The following JMJD6 variants were observed in gnomAD, a reference collection of about 807,000 sequenced individuals.
JMJD6 encodes bifunctional arginine demethylase and lysyl-hydroxylase JMJD6.
A neutral mutation model predicts 45.8 loss-of-function variants in JMJD6; 17 were observed. That is an observed-to-expected ratio of 0.37 (90% CI 0.25 to 0.56). JMJD6 has a LOEUF of 0.56. JMJD6 is among the 20% of genes least tolerant of loss of function. The probability of loss-of-function intolerance (pLI) is 0.79; values close to 1 mark genes in which losing one functional copy is unlikely to be tolerated. For missense variants in JMJD6, 470 were observed against 517.5 expected (o/e 0.91, Z 0.89); for synonymous variants, 221 against 196.3 (o/e 1.13, Z -1.05).
chr17:76,721,474 A>G (rs527990022), intron 4 of JMJD6: 1 of 336,684 alleles, frequency 3.0e-6, no homozygotes, highest in African/African-American at 2.1e-5. Flanking sequence ...AACCCAAATA[A>G]AACCCAAATA....
Position 76,726,508 on chromosome 17 carries a change from C to T in JMJD6, c.-33G>A, listed in dbSNP as rs1047034478. The T allele has an allele frequency of 1.3e-6, 2 of 1,575,916 alleles. No homozygotes were observed. Among genetic ancestry groups the T allele is most frequent in the Non-Finnish European group, 1.7e-6 (2 of 1,162,428 alleles). Reference sequence around the variant, plus strand: ...GGTCGCCAGCTGGTTCCGCTACGACCTCGGCGCAGCCCGCTTCCTGACACT... The same window carrying T: ...GGTCGCCAGCTGGTTCCGCTACGACTTCGGCGCAGCCCGCTTCCTGACACT... On this transcript the variant is annotated 5_prime_UTR_variant, in exon 1 of 6. Transcript: ENST00000397625.
In JMJD6 at chr17:76,723,103, G is replaced by A. The variant is rs374850144; in HGVS notation, c.805+669C>T. Among the ~76,000 whole-genome samples, 19 of 151,618 alleles carry A rather than the reference G, an allele frequency of 1.3e-4. No individual in the cohort carries two copies. In the East Asian group the frequency reaches 2.6e-3, roughly 21 times the overall value. On this transcript the variant is annotated intron_variant, in intron 3 of 5. Transcript: ENST00000397625. Reference sequence around the variant, plus strand: ...TGGGATTACAGGCGCCCGCCACCACGCCTGATTAATTTTTGTATTATTAGT... The same window carrying A: ...TGGGATTACAGGCGCCCGCCACCACACCTGATTAATTTTTGTATTATTAGT...
In JMJD6 at chr17:76,725,699, T is replaced by A; in HGVS notation, c.286A>T (p.Asn96Tyr). 1.2e-6 allele frequency: 2 copies of A among 1,614,108 alleles called. No individual in the cohort carries two copies. Among genetic ancestry groups the A allele is most frequent in the Non-Finnish European group, 1.7e-6 (2 of 1,180,020 alleles). The change falls in exon 2 of 6, where the codon AAC becomes TAC. Residue 96 changes from asparagine (N) to tyrosine (Y), a missense_variant. Asn to Tyr is a moderately radical substitution (Grantham distance 143, BLOSUM62 -2). Transcript: ENST00000397625. ...TLERLKRKYR[N>Y]QKFKCGEDND... Reference sequence around the variant, plus strand: ...TCCTCACCACACTTGAACTTCTGGTTCCGATATTTCCTTTTTAGGCGCTCC... The same window carrying A: ...TCCTCACCACACTTGAACTTCTGGTACCGATATTTCCTTTTTAGGCGCTCC...
At chr17:76,716,326 T>G (rs576454168), downstream of JMJD6, 21 of 231,894 alleles carry the variant, frequency 9.1e-5, no homozygotes, top group East Asian at 2.2e-3. Context: ...GCTGGCTCTG[T>G]GGAAACTCCT....
downstream of JMJD6, chr17:76,715,574 C>T (rs2076758022): frequency 6.6e-6 from 1 of 152,256 alleles, no homozygotes; most frequent in Non-Finnish European, 1.5e-5. Flanking sequence ...ACAATTCTAA[C>T]ACATCCACAC....
intron 3 of JMJD6, among the ~76,000 whole-genome samples, chr17:76,722,215 T>C (rs1005538759): frequency 6.6e-6 from 1 of 152,212 alleles, no homozygotes; most frequent in Non-Finnish European, 1.5e-5. Context: ...ACCTAAAATA[T>C]TGACTCCCCG....
chr17:76,721,033 A>G (rs538919494), intron 4 of JMJD6, among the ~76,000 whole-genome samples: 1 of 152,364 alleles, frequency 6.6e-6, no homozygotes, highest in East Asian at 1.9e-4. Context: ...ACTGAAGAGC[A>G]GCAGCCCTCC....
Position 76,725,752 on chromosome 17 carries a change from C to G in JMJD6, c.233G>C (p.Gly78Ala). The G allele has an allele frequency of 6.2e-7, 1 of 1,614,140 alleles. No homozygotes were observed. Among genetic ancestry groups the G allele is most frequent in the Middle Eastern group, 1.6e-4 (1 of 6,062 alleles). ...AGTCCATTTCTCCTGCGCAGACCAG[C>G]CCTCTTGCGCATTCAACAAAACCAC... Reference protein sequence around the residue: ...KPVVLLNAQEGWSAQEKWTLE... With the variant: ...KPVVLLNAQEAWSAQEKWTLE... Residue 78 changes from glycine (G) to alanine (A), a missense_variant, in exon 2 of 6, where the codon GGC (glycine) becomes GCC (alanine). Physicochemically the swap from Gly to Ala is moderately conservative, Grantham distance 60. This residue lies in a region of JMJD6 where 346 missense variants were observed against 339.5 expected (regional missense o/e 1.02). Coordinates refer to ENST00000397625, the MANE Select transcript of JMJD6 (RefSeq NM_015167.3).
intron 3 of JMJD6, among the ~76,000 whole-genome samples, chr17:76,722,984 T>G (rs2076847194): frequency 6.6e-6 from 1 of 150,702 alleles, no homozygotes; most frequent in Non-Finnish European, 1.5e-5. Context: ...TTTTGCTCTG[T>G]CACCCAGGCT....
chr17:76,724,287 A>C (rs1186635545), intron 2 of JMJD6, among the ~76,000 whole-genome samples: 1 of 151,484 alleles, frequency 6.6e-6, no homozygotes, highest in African/African-American at 2.4e-5. Context: ...ACGCCTGGCT[A>C]ATTTTTGTAT....
Position 76,725,648 on chromosome 17 carries a change from T to G in JMJD6, c.337A>C (p.Lys113Gln). The G allele has an allele frequency of 1.2e-6, 2 of 1,614,088 alleles. No homozygotes were observed. The highest frequency in any genetic ancestry group is 1.7e-6 in the Non-Finnish European group (2 of 1,180,006). The change falls in exon 2 of 6, where the codon AAG becomes CAG. Residue 113 changes from lysine (K) to glutamine (Q), a missense_variant. Physicochemically the swap from Lys to Gln is moderately conservative, Grantham distance 53. This residue lies in a region of JMJD6 where 346 missense variants were observed against 339.5 expected (regional missense o/e 1.02). Coordinates refer to ENST00000397625, the MANE Select transcript of JMJD6 (RefSeq NM_015167.3). The part of the protein sequence containing the change: ...EDNDGYSVKM[K>Q]MKYYIEYMES... ...ATGTACTCGATGTAGTATTTCATCTTCATCTTCACTGAGTAGCCATCGTTA... is the reference window on the plus strand; with the variant it reads ...ATGTACTCGATGTAGTATTTCATCTGCATCTTCACTGAGTAGCCATCGTTA...
In JMJD6 at chr17:76,726,567, G is replaced by A. The variant is rs371235798; in HGVS notation, c.-92C>T. The stretch of plus-strand genomic sequence containing the variant: ...CCTCCCCGGCCTGGGCGGCGGCGAC[G>A]GCAGTACCCAAACGCCCTTCGCTCA... On this transcript the variant is annotated 5_prime_UTR_variant, in exon 1 of 6. Coordinates refer to ENST00000397625, the MANE Select transcript of JMJD6 (RefSeq NM_015167.3). 5.5e-6 allele frequency: 8 copies of A among 1,464,938 alleles called. No homozygotes were observed. Among genetic ancestry groups the A allele is most frequent in the Non-Finnish European group, 1.8e-6 (2 of 1,108,606 alleles). The allele number at this position is 1,464,938 out of a possible 1,614,324, so 90.7% of individuals were successfully genotyped here.
chr17:76,726,543 C>CT lies in JMJD6; in HGVS notation c.-69dup. On this transcript the variant is annotated 5_prime_UTR_variant, in exon 1 of 6. Transcript: ENST00000397625. ...CCCGCTTCCTGACACTAACGCACCC[C>CT]TCCCCGGCCTGGGCGGCGGCGACGG... 7 of 1,513,976 alleles carry CT rather than the reference C, an allele frequency of 4.6e-6. No individual in the cohort carries two copies. The highest frequency in any genetic ancestry group is 6.2e-6 in the Non-Finnish European group (7 of 1,136,286). The allele number at this position is 1,513,976 out of a possible 1,614,324, so 93.8% of individuals were successfully genotyped here. A position where few individuals can be genotyped will look rare whatever the true frequency, so the allele number is the denominator to read the frequency against.
chr17:76,716,077 C>CA (rs3217059), downstream of JMJD6: 58,180 of 151,952 alleles, frequency 0.38, 12,095 homozygotes, highest in Middle Eastern at 0.53. Context: ...CACCCCCCCA[C>CA]AAAAAAATAC....
Position 76,725,837 on chromosome 17 carries a change from C to T in JMJD6, c.148G>A (p.Asp50Asn). 1.6e-5 allele frequency: 25 copies of T among 1,611,734 alleles called. No homozygotes were observed. Among genetic ancestry groups the T allele is most frequent in the Non-Finnish European group, 2.1e-5 (25 of 1,179,372 alleles). Residue 50 changes from aspartate (D) to asparagine (N), a missense_variant, in exon 2 of 6, where the codon GAT becomes AAT. Coordinates refer to ENST00000397625, the MANE Select transcript of JMJD6 (RefSeq NM_015167.3). The stretch of plus-strand genomic sequence containing the variant: ...TCTTCCACAGACAGCTGTAAAGCAT[C>T]TGCCCTTTCCACGTTATCCTGAGGG... ...AAVADNVERA[D>N]ALQLSVEEFV...
In JMJD6 at chr17:76,725,572, C is replaced by A. The variant is rs767301507; in HGVS notation, c.413G>T (p.Gly138Val). ...AAGTTTCCTTCTTTTAGGGTGTTCA[C>A]CATAGCTGCTGTCAAAGATGTAAAG... ...SPLYIFDSSY[G>V]EHPKRRKLLE... is the part of the protein sequence containing the mutation. Residue 138 changes from glycine (G) to valine (V), a missense_variant, in exon 2 of 6, where the codon GGT (glycine) becomes GTT (valine). This residue lies in a region of JMJD6 where 346 missense variants were observed against 339.5 expected (regional missense o/e 1.02). Transcript: ENST00000397625. 6.2e-7 allele frequency: 1 copy of A among 1,614,128 alleles called. No homozygotes were observed. The highest frequency in any genetic ancestry group is 2.2e-5 in the East Asian group (1 of 44,878).
Position 76,725,703 on chromosome 17 carries a change from A to G in JMJD6, c.282T>C (p.Tyr94=), listed in dbSNP as rs373361850. The G allele has an allele frequency of 1.1e-3, 1,702 of 1,614,034 alleles. 26 individuals carry two copies. The South Asian group carries it at 0.017, about 16-fold the overall frequency. The change falls in exon 2 of 6, where the codon TAT becomes TAC. Residue 94 remains tyrosine (Y), a synonymous_variant. Transcript: ENST00000397625. Reference sequence around the variant, plus strand: ...CACCACACTTGAACTTCTGGTTCCGATATTTCCTTTTTAGGCGCTCCAGAG... The same window carrying G: ...CACCACACTTGAACTTCTGGTTCCGGTATTTCCTTTTTAGGCGCTCCAGAG... ...KWTLERLKRK[Y]RNQKFKCGED...
chr17:76,716,714 TC>T (rs745969072), downstream of JMJD6: 1 of 1,613,958 alleles, frequency 6.2e-7, no homozygotes, highest in Admixed American at 1.7e-5. Flanking sequence ...TCCACAAGTG[TC>T]CCTAATCCTG....
chr17:76,723,217 A>G (rs2076850406), intron 3 of JMJD6, among the ~76,000 whole-genome samples: 1 of 152,078 alleles, frequency 6.6e-6, no homozygotes. Context: ...AAGTGCTGAT[A>G]TTACAGGTGT....
Sources: gnomAD v4.1 joint callset for allele counts (sites outside exome capture counted in the v4.1 genomes callset) on GRCh38, gnomAD v4.1.1 for gene constraint, gnomAD v4.1.1 regional missense constraint, MANE v1.5 for transcripts, NCBI Gene and HGNC (gene_info 2026-07-23, HGNC 2026-07-21) for gene names.